SGCZ: variants seen among roughly 807,000 people sequenced by gnomAD.
The protein encoded by SGCZ is zeta-sarcoglycan.
A neutral mutation model predicts 41.3 loss-of-function variants in SGCZ; 40 were observed. The ratio of observed to expected loss-of-function variants is 0.97; its 90% CI spans 0.75 to 1.26. The LOEUF (loss-of-function observed/expected upper bound fraction) is 1.26, where lower values mean the gene tolerates loss of function less well. Ranked by LOEUF, SGCZ falls within the 50% of genes most tolerant of loss-of-function variation. The pLI is 0.00. For missense variants in SGCZ, 552 were observed against 369.8 expected, an observed-to-expected ratio of 1.49 and a Z score of -4.04; for synonymous variants, 206 against 137.5, an observed-to-expected ratio of 1.50 and a Z score of -3.49.
In SGCZ at chr8:14,926,545, C is replaced by G. The variant is rs1434794979; in HGVS notation, c.39+311040G>C. ...TGTACTGAAATTGTATTTCACCATC[C>G]TGATTTCTTGGGGTTATATATTTCT... On this transcript the variant is annotated intron_variant, in intron 1 of 7. Transcript: ENST00000382080. Among the ~76,000 whole-genome samples, 3 of 152,012 alleles carry G rather than the reference C, an allele frequency of 2.0e-5. No individual in the cohort carries two copies. In the South Asian group the frequency reaches 6.2e-4, roughly 32 times the overall value.
intron 5 of SGCZ, among the ~76,000 whole-genome samples, chr8:14,150,462 A>G (rs973612509): frequency 3.3e-5 from 5 of 152,212 alleles, no homozygotes; most frequent in African/African-American, 1.2e-4. Flanking sequence ...AATCAAATCT[A>G]CAAGGAGATG....
intron 1 of SGCZ, among the ~76,000 whole-genome samples, chr8:14,968,799 GACTTGTGT>G (rs1388818889): frequency 6.6e-6 from 1 of 152,080 alleles, no homozygotes; most frequent in Non-Finnish European, 1.5e-5. Context: ...TTTGTGATTT[GACTTGTGT>G]ATACACTATC....
At chr8:14,734,227 T>G (rs2036822) in intron 1 of SGCZ, among the ~76,000 whole-genome samples, 1 of 151,916 alleles carries the variant, frequency 6.6e-6, no homozygotes, top group Non-Finnish European at 1.5e-5. Context: ...GATTATATTG[T>G]GTTATCAAGA....
chr8:15,090,154 A>G (rs1386564178), intron 1 of SGCZ, among the ~76,000 whole-genome samples: 1 of 152,226 alleles, frequency 6.6e-6, no homozygotes, highest in Non-Finnish European at 1.5e-5. Flanking sequence ...TGAATGTTAC[A>G]GTTCATAGAC....
chr8:14,286,814 T>C (rs1384770428), intron 3 of SGCZ, among the ~76,000 whole-genome samples: 4 of 152,112 alleles, frequency 2.6e-5, no homozygotes, highest in African/African-American at 2.4e-5. Context: ...ACCCATAAAA[T>C]TGTTTCTAGA....
intron 1 of SGCZ, among the ~76,000 whole-genome samples, chr8:15,049,545 G>T (rs1203699256): frequency 6.6e-6 from 1 of 152,240 alleles, no homozygotes; most frequent in Middle Eastern, 3.4e-3. Context: ...AATATTGAAT[G>T]ATTTAGAGAA....
intron 2 of SGCZ, among the ~76,000 whole-genome samples, chr8:14,414,606 G>T (rs78638015): frequency 2.0e-5 from 3 of 151,884 alleles, no homozygotes; most frequent in African/African-American, 7.3e-5. Context: ...GGATAGCTGA[G>T]AAAATGTGTG....
At chr8:15,077,309 C>T (rs929010289) in intron 1 of SGCZ, among the ~76,000 whole-genome samples, 1 of 152,080 alleles carries the variant, frequency 6.6e-6, no homozygotes, top group Non-Finnish European at 1.5e-5. Flanking sequence ...ATTAAATAAA[C>T]CCATGCAGTA....
chr8:14,090,519 T>G lies in SGCZ; in HGVS notation c.863A>C (p.Asn288Thr), dbSNP rs750754361. 6.2e-7 allele frequency: 1 copy of G among 1,613,064 alleles called. No individual in the cohort carries two copies. Among genetic ancestry groups the G allele is most frequent in the African/African-American group, 1.3e-5 (1 of 74,954 alleles). Residue 288 changes from asparagine to threonine, a missense_variant, in exon 8 of 8, where the codon AAT becomes ACT. Physicochemically the swap from Asn to Thr is moderately conservative, Grantham distance 65. Transcript: ENST00000382080. Reference sequence around the variant, plus strand: ...TGCTGGAGAAAGGTAAAGTTTGCCATTGGGGCAGACGCAGAGTTCATACAC... The same window carrying G: ...TGCTGGAGAAAGGTAAAGTTTGCCAGTGGGGCAGACGCAGAGTTCATACAC... Reference protein sequence around the residue: ...QTVYELCVCPNGKLYLSPAGV... With the variant: ...QTVYELCVCPTGKLYLSPAGV...
intron 1 of SGCZ, among the ~76,000 whole-genome samples, chr8:14,971,079 C>G (rs879489582): frequency 2.0e-5 from 3 of 151,944 alleles, no homozygotes; most frequent in African/African-American, 2.4e-5. Flanking sequence ...TTGCTTGTTG[C>G]TAGTTTATGA....
At chr8:15,205,176 C>T (rs1480784437) in intron 1 of SGCZ, among the ~76,000 whole-genome samples, 1 of 152,068 alleles carries the variant, frequency 6.6e-6, no homozygotes, top group East Asian at 1.9e-4. Context: ...GAAGGCAATA[C>T]CACCCCGAAC....
chr8:14,658,059 G>C (rs1188008921), intron 1 of SGCZ, among the ~76,000 whole-genome samples: 3 of 152,070 alleles, frequency 2.0e-5, no homozygotes, highest in Non-Finnish European at 2.9e-5. Context: ...AGTTATAAAT[G>C]ATGGACACAA....
intron 3 of SGCZ, among the ~76,000 whole-genome samples, chr8:14,300,214 T>TA (rs1801141521): frequency 6.6e-6 from 1 of 151,096 alleles, no homozygotes; most frequent in Middle Eastern, 3.4e-3. Context: ...ATATTTTAAT[T>TA]AAAAAAGAAC....
At chr8:14,131,498 T>G (rs1359934271) in intron 5 of SGCZ, among the ~76,000 whole-genome samples, 1 of 152,220 alleles carries the variant, frequency 6.6e-6, no homozygotes, top group Non-Finnish European at 1.5e-5. Flanking sequence ...TGACAAATTA[T>G]TGATCTTATT....
At chr8:15,084,488 C>T (rs1016537826) in intron 1 of SGCZ, among the ~76,000 whole-genome samples, 19 of 152,240 alleles carry the variant, frequency 1.2e-4, no homozygotes, top group Non-Finnish European at 1.2e-4. Flanking sequence ...CGGTGGCTCA[C>T]GCCTGTAATC....
chr8:14,254,236 T>C (rs1799386104), intron 3 of SGCZ, among the ~76,000 whole-genome samples: 2 of 152,222 alleles, frequency 1.3e-5, no homozygotes, highest in African/African-American at 4.8e-5. Context: ...AATGTTACAT[T>C]ATAAAATTTT....
chr8:14,508,989 TC>T (rs1802389163), intron 2 of SGCZ, among the ~76,000 whole-genome samples: 1 of 152,156 alleles, frequency 6.6e-6, no homozygotes. Context: ...TTATACAAAT[TC>T]AAATATAAGG....
chr8:14,221,206 T>TA (rs1439664358), intron 4 of SGCZ, among the ~76,000 whole-genome samples: 1 of 152,240 alleles, frequency 6.6e-6, no homozygotes. Flanking sequence ...TATGTGTGTG[T>TA]AAAACCAGGA....
intron 1 of SGCZ, among the ~76,000 whole-genome samples, chr8:14,615,200 T>C (rs1383385901): frequency 6.6e-6 from 1 of 152,216 alleles, no homozygotes; most frequent in African/African-American, 2.4e-5. Context: ...CCTTAACCTG[T>C]TGACTCTGTA....
Sources: gnomAD v4.1 joint callset for allele counts (sites outside exome capture counted in the v4.1 genomes callset) on GRCh38, gnomAD v4.1.1 for gene constraint, MANE v1.5 for transcripts, NCBI Gene and HGNC (gene_info 2026-07-23, HGNC 2026-07-21) for gene names.